SAMMSON: variants seen among roughly 807,000 people sequenced by gnomAD.
SAMMSON encodes long intergenic non-protein coding RNA 1212.
At chr3:70,064,066 A>G (rs933058349) in intron 3 of SAMMSON, among the ~76,000 whole-genome samples, 1 of 152,110 alleles carries the variant, frequency 6.6e-6, no homozygotes, top group Non-Finnish European at 1.5e-5. Context: ...AAGCTCTCAG[A>G]GGGCTGGAAC....
intron 3 of SAMMSON, among the ~76,000 whole-genome samples, chr3:70,048,477 G>T (rs1188824934): frequency 6.6e-6 from 1 of 151,950 alleles, no homozygotes; most frequent in Non-Finnish European, 1.5e-5. Flanking sequence ...TTTTAAAAAT[G>T]ATCATTATTA....
chr3:70,375,160 T>C (rs1191889743), intron 9 of SAMMSON, among the ~76,000 whole-genome samples: 1 of 151,996 alleles, frequency 6.6e-6, no homozygotes, highest in African/African-American at 2.4e-5. Flanking sequence ...TGTTTTTATA[T>C]TCTACTTCTA....
intron 3 of SAMMSON, among the ~76,000 whole-genome samples, chr3:70,066,511 A>G (rs1190260065): frequency 6.6e-6 from 1 of 152,138 alleles, no homozygotes; most frequent in Non-Finnish European, 1.5e-5. Flanking sequence ...ACAGCCATGA[A>G]TGCTAATATT....
intron 6 of SAMMSON, among the ~76,000 whole-genome samples, chr3:70,270,318 G>T (rs1478583173): frequency 6.6e-6 from 1 of 152,102 alleles, no homozygotes; most frequent in Non-Finnish European, 1.5e-5. Flanking sequence ...AATAAAAACA[G>T]CTTCCAAAAA....
chr3:70,010,320 C>T (rs1025139897), intron 1 of SAMMSON, among the ~76,000 whole-genome samples: 5 of 152,060 alleles, frequency 3.3e-5, no homozygotes, highest in African/African-American at 1.2e-4. Context: ...AATCTGGGTG[C>T]TCCTGTATTG....
intron 4 of SAMMSON, among the ~76,000 whole-genome samples, chr3:70,186,998 A>G (rs766557163): frequency 2.0e-5 from 3 of 152,178 alleles, no homozygotes; most frequent in Non-Finnish European, 4.4e-5. Flanking sequence ...GCTGGGGACT[A>G]CTGTGTGGAC....
intron 4 of SAMMSON, among the ~76,000 whole-genome samples, chr3:70,115,305 C>T (rs910251584): frequency 4.0e-5 from 6 of 151,642 alleles, no homozygotes; most frequent in Non-Finnish European, 7.4e-5. Context: ...AATTTGAACC[C>T]ATGCCTCTTA....
intron 9 of SAMMSON, among the ~76,000 whole-genome samples, chr3:70,362,580 T>A (rs1248730147): frequency 1.4e-5 from 2 of 148,050 alleles, no homozygotes; most frequent in Non-Finnish European, 3.0e-5. Context: ...AGAGACTGAG[T>A]CTGGTAGAAG....
At chr3:70,186,125 A>G (rs547381077) in intron 4 of SAMMSON, among the ~76,000 whole-genome samples, 2 of 152,328 alleles carry the variant, frequency 1.3e-5, no homozygotes, top group East Asian at 3.9e-4. Context: ...CCTCATCACA[A>G]TGTATGTCAC....
chr3:70,429,242 T>C (rs1191342283), intron 2 of SAMMSON, among the ~76,000 whole-genome samples: 1 of 152,186 alleles, frequency 6.6e-6, no homozygotes, highest in Non-Finnish European at 1.5e-5. Flanking sequence ...CCATTGCTTG[T>C]TTGTATCAGG....
chr3:70,037,053 C>T (rs2067088003), intron 3 of SAMMSON, among the ~76,000 whole-genome samples: 2 of 151,920 alleles, frequency 1.3e-5, no homozygotes, highest in Non-Finnish European at 1.5e-5. Context: ...GAGATTAGTA[C>T]AGGAGGATGT....
At chr3:70,262,457 C>T (rs1457982237) in intron 6 of SAMMSON, among the ~76,000 whole-genome samples, 2 of 152,030 alleles carry the variant, frequency 1.3e-5, no homozygotes, top group African/African-American at 4.8e-5. Flanking sequence ...GAAATAAGAC[C>T]AGTTATAGTA....
In SAMMSON at chr3:70,072,666, A is replaced by C. The variant is rs867620963; in HGVS notation, n.507+1101A>C. 7.7e-5 allele frequency: 10 copies of C among 130,322 alleles called. No homozygotes were observed. The East Asian group carries it at 1.4e-3, about 18-fold the overall frequency. 8.1% of individuals were successfully genotyped at this position (130,322 alleles called of 1,614,324 possible). The stretch of plus-strand genomic sequence containing the variant: ...CAAAGGAAAAAAAAAAAAAAAAAAA[A>C]CAGAAAAAAATTTTTTATAAGGGTG... On this transcript the variant is annotated intron_variant and non_coding_transcript_variant, in intron 4 of 9. Coordinates refer to ENST00000642114, the Ensembl canonical transcript of SAMMSON.
chr3:70,131,962 A>T (rs2067484714), intron 4 of SAMMSON, among the ~76,000 whole-genome samples: 1 of 152,152 alleles, frequency 6.6e-6, no homozygotes, highest in South Asian at 2.1e-4. Flanking sequence ...ATTGAGAAAT[A>T]AAAATAAAAT....
At chr3:70,431,088 G>A (rs1301697267) in intron 2 of SAMMSON, among the ~76,000 whole-genome samples, 3 of 152,042 alleles carry the variant, frequency 2.0e-5, no homozygotes, top group Admixed American at 6.6e-5. Context: ...GATGGAAGGA[G>A]TAGAAATTCA....
chr3:70,292,387 A>G (rs1702247178), intron 7 of SAMMSON, among the ~76,000 whole-genome samples: 1 of 152,176 alleles, frequency 6.6e-6, no homozygotes, highest in Non-Finnish European at 1.5e-5. Context: ...TAAATCCACT[A>G]TGCCTGACAC....
intron 4 of SAMMSON, chr3:70,127,181 G>A (rs1576129009): frequency 6.6e-6 from 1 of 152,106 alleles, no homozygotes; most frequent in Non-Finnish European, 1.5e-5. Flanking sequence ...CTAAAGCAAA[G>A]CTTCCCAAAT....
chr3:70,021,463 A>G (rs1463748131), intron 3 of SAMMSON, among the ~76,000 whole-genome samples: 3 of 152,220 alleles, frequency 2.0e-5, no homozygotes, highest in South Asian at 2.1e-4. Flanking sequence ...CATCTGTGGC[A>G]AAATGAGGAA....
At chr3:70,152,868 A>G (rs1055066579) in intron 4 of SAMMSON, among the ~76,000 whole-genome samples, 10 of 152,036 alleles carry the variant, frequency 6.6e-5, no homozygotes, top group Non-Finnish European at 7.4e-5. Flanking sequence ...GCCACAATCA[A>G]TTGGAAAAGG....
Sources: gnomAD v4.1 joint callset for allele counts (sites outside exome capture counted in the v4.1 genomes callset) on GRCh38, gnomAD v4.1.1 for gene constraint, MANE v1.5 for transcripts, NCBI Gene and HGNC (gene_info 2026-07-23, HGNC 2026-07-21) for gene names.